Variants in CTBP2 observed in about 807,000 individuals in gnomAD.
The protein encoded by CTBP2 is C-terminal binding protein 2.
Under a neutral mutation model 80.3 loss-of-function variants are expected in CTBP2, and 30 were observed. That is an observed-to-expected ratio of 0.37 (90% CI 0.28 to 0.51). The LOEUF is 0.51. CTBP2 is among the 20% of genes least tolerant of loss of function. CTBP2 has a pLI of 0.93. For synonymous variants in CTBP2, 594 were observed against 587.4 expected, an observed-to-expected ratio of 1.01 and a Z score of -0.16; for missense variants, 1,212 against 1,375.3, an observed-to-expected ratio of 0.88 and a Z score of 1.88.
At chr10:125,016,155 T>C (rs1269334771) in intron 1 of CTBP2, among the ~76,000 whole-genome samples, 2 of 152,172 alleles carry the variant, frequency 1.3e-5, no homozygotes, top group Admixed American at 6.5e-5. Flanking sequence ...AGGAAGGCCA[T>C]GAGGCCCCGC....
At chr10:125,005,903 A>G (rs766264022) in intron 1 of CTBP2, 269 of 1,516,722 alleles carry the variant, frequency 1.8e-4, no homozygotes, top group Middle Eastern at 8.9e-4. Context: ...CCTGATTATA[A>G]GAAATCCAAG....
chr10:125,008,485 T>A (rs1256384532), intron 1 of CTBP2, among the ~76,000 whole-genome samples: 2 of 152,254 alleles, frequency 1.3e-5, no homozygotes, highest in African/African-American at 4.8e-5. Context: ...GTCACAGTAG[T>A]GGCCTTGCAG....
rs1221003091 is a variant in CTBP2 at position 125,026,487 on chromosome 10, C to T, written c.1273G>A (p.Gly425Ser). 8 of 1,601,142 alleles carry T rather than the reference C, an allele frequency of 5.0e-6. No homozygotes were observed. The highest frequency in any genetic ancestry group is 6.8e-6 in the Non-Finnish European group (8 of 1,171,428). ...AAGTGTGGGGCATGGGTGCCCACGC[C>T]AGGGGCAGAATAGGTGGCTGCCGTC... The change falls in exon 1 of 9, where the codon GGC (glycine) becomes AGC (serine). Residue 425 changes from glycine (G) to serine (S), a missense_variant. Physicochemically the swap from Gly to Ser is moderately conservative, Grantham distance 56. Coordinates refer to ENST00000309035, the MANE Select transcript of CTBP2 (RefSeq NM_022802.3).
intron 1 of CTBP2, among the ~76,000 whole-genome samples, chr10:125,011,745 G>A (rs11245464): frequency 3.4e-4 from 52 of 152,326 alleles, no homozygotes; most frequent in Middle Eastern, 3.4e-3. Flanking sequence ...GGAGCACAGC[G>A]GGCCCAGAAC....
At chr10:125,082,722 C>T (rs559596831) in intron 2 of CTBP2, among the ~76,000 whole-genome samples, 1 of 151,908 alleles carries the variant, frequency 6.6e-6, no homozygotes, top group Non-Finnish European at 1.5e-5. Context: ...TGAGTAGCTG[C>T]GACCACAGGT....
At chr10:125,161,803 G>A (rs1024899905), upstream of CTBP2, among the ~76,000 whole-genome samples, 5 of 152,200 alleles carry the variant, frequency 3.3e-5, no homozygotes, top group South Asian at 2.1e-4. Context: ...CGGGTCTCGA[G>A]GAGGGAGGCG....
At position 125,098,774 on chromosome 10, in the gene CTBP2, G is replaced by GAGAC. The variant is rs1381633525; in HGVS notation, c.-102+12215_-102+12216insGTCT. On this transcript the variant is annotated intron_variant, in intron 2 of 10. Coordinates refer to the CTBP2 transcript ENST00000337195. ...ACAGAGAGAGAGAGAGAGAGAGAGAGAGAGACAGAGAGAGAGACAGAGAGA... is the reference window on the plus strand; with the variant it reads ...ACAGAGAGAGAGAGAGAGAGAGAGAGAGACAGAGACAGAGAGAGAGACAGAGAGA... Among the ~76,000 whole-genome samples, 3 of 142,064 alleles carry GAGAC rather than the reference G, an allele frequency of 2.1e-5. 1 individual carries two copies. The highest frequency in any genetic ancestry group is 4.6e-5 in the Non-Finnish European group (3 of 65,166). 93.2% of individuals were successfully genotyped at this position (142,064 alleles called of 152,430 possible).
At chr10:125,018,061 C>G (rs1314025967) in intron 1 of CTBP2, among the ~76,000 whole-genome samples, 1 of 152,206 alleles carries the variant, frequency 6.6e-6, no homozygotes, top group Non-Finnish European at 1.5e-5. Context: ...AAGTGTATAC[C>G]ATTGTTGATT....
chr10:125,129,488 G>A (rs999935455), intron 1 of CTBP2, among the ~76,000 whole-genome samples: 5 of 152,006 alleles, frequency 3.3e-5, no homozygotes, highest in South Asian at 2.1e-4. Context: ...CATGAGACCC[G>A]TGCTCCAGGT....
intron 2 of CTBP2, among the ~76,000 whole-genome samples, chr10:125,104,999 TATTTA>T (rs776031879): frequency 7.9e-5 from 12 of 152,182 alleles, no homozygotes; most frequent in Non-Finnish European, 1.8e-4. Context: ...TCGTTACTTT[TATTTA>T]TTTATTAATT....
chr10:125,013,794 C>T (rs1321817818), intron 1 of CTBP2, among the ~76,000 whole-genome samples: 4 of 152,190 alleles, frequency 2.6e-5, no homozygotes, highest in East Asian at 3.9e-4. Context: ...CAGGGTCCAC[C>T]GCAGTGCAAA....
At chr10:125,123,704 G>C (rs1441824545) in intron 1 of CTBP2, among the ~76,000 whole-genome samples, 1 of 152,168 alleles carries the variant, frequency 6.6e-6, no homozygotes, top group Non-Finnish European at 1.5e-5. Context: ...GGTGCATCCT[G>C]TCTCTCGAGA....
chr10:125,095,557 A>AC (rs1296866483), intron 2 of CTBP2, among the ~76,000 whole-genome samples: 1 of 152,150 alleles, frequency 6.6e-6, no homozygotes, highest in Admixed American at 6.5e-5. Context: ...AACAGCCACT[A>AC]CCACATGCTC....
intron 2 of CTBP2, among the ~76,000 whole-genome samples, chr10:125,076,246 C>A (rs1426397872): frequency 6.6e-6 from 1 of 152,234 alleles, no homozygotes; most frequent in Non-Finnish European, 1.5e-5. Context: ...GCTTAAGGCT[C>A]CAACCCTGTC....
chr10:125,155,551 C>T (rs963200618), intron 1 of CTBP2, among the ~76,000 whole-genome samples: 2 of 152,030 alleles, frequency 1.3e-5, no homozygotes, highest in African/African-American at 4.8e-5. Flanking sequence ...TTGTGAATAT[C>T]ATTAGAGTCA....
chr10:125,152,136 C>T (rs1418614643), intron 1 of CTBP2, among the ~76,000 whole-genome samples: 1 of 151,858 alleles, frequency 6.6e-6, no homozygotes, highest in East Asian at 1.9e-4. Context: ...TTCTGGCCCG[C>T]GGGGGCGGGG....
intron 1 of CTBP2, among the ~76,000 whole-genome samples, chr10:125,146,176 T>C (rs1369072969): frequency 6.6e-6 from 1 of 152,240 alleles, no homozygotes; most frequent in Non-Finnish European, 1.5e-5. Context: ...TTTTGCCATG[T>C]TGGCCAGGCT....
chr10:125,047,533 A>G (rs2135134956), intron 2 of CTBP2, among the ~76,000 whole-genome samples: 1 of 152,384 alleles, frequency 6.6e-6, no homozygotes, highest in African/African-American at 2.4e-5. Flanking sequence ...GTAAAAGCAC[A>G]GGGGACTGAT....
intron 1 of CTBP2, chr10:125,122,833 G>C (rs1564973167): frequency 6.6e-6 from 1 of 152,226 alleles, no homozygotes; most frequent in Non-Finnish European, 1.5e-5. Context: ...GGGTTTCCAT[G>C]ATGGATTTCC....
Sources: gnomAD v4.1 joint callset for allele counts (sites outside exome capture counted in the v4.1 genomes callset) on GRCh38, gnomAD v4.1.1 for gene constraint, MANE v1.5 for transcripts, NCBI Gene and HGNC (gene_info 2026-07-23, HGNC 2026-07-21) for gene names.